ASIC1: variants seen among roughly 807,000 people sequenced by gnomAD.
The protein encoded by ASIC1 is acid sensing ion channel subunit 1.
A neutral mutation model predicts 63.4 loss-of-function variants in ASIC1; 21 were observed. That is an observed-to-expected ratio of 0.33 (90% CI 0.23 to 0.48). The LOEUF (loss-of-function observed/expected upper bound fraction) is 0.48. Ranked by LOEUF, ASIC1 falls within the 20% of genes least tolerant of loss-of-function variation. The pLI is 0.99. For synonymous variants in ASIC1, 258 were observed against 278.2 expected (o/e 0.93, Z 0.72); for missense variants, 478 against 695.5 (o/e 0.69, Z 3.52).
At chr12:50,058,696 C>T in intron 1 of ASIC1, 55 bp from the exon 2 acceptor site, 1 of 1,520,376 alleles carries the variant, frequency 6.6e-7, no homozygotes, top group Non-Finnish European at 8.8e-7. Flanking sequence ...TGGAGGGGCT[C>T]CATGTGTACT....
chr12:50,062,563 G>C (rs1950509937), intron 3 of ASIC1, among the ~76,000 whole-genome samples: 1 of 151,950 alleles, frequency 6.6e-6, no homozygotes, highest in Non-Finnish European at 1.5e-5. Flanking sequence ...CAGGATTGCT[G>C]TGGGATACCA....
rs1395726716 is a variant in ASIC1, at chr12:50,077,367, C to T, written c.709+4C>T. The T allele has an allele frequency of 8.1e-6, 13 of 1,613,998 alleles. No homozygotes were observed. The highest frequency in any genetic ancestry group is 4.5e-5 in the East Asian group (2 of 44,892). ...CTGCCTGTGTGGGGGGAGACTGGTA[C>T]GTCACCCACTTCAGGGGCCCCTCTG... is the stretch of plus-strand genomic sequence containing the variant. On this transcript the variant is annotated splice_donor_region_variant and intron_variant, in intron 4 of 11. Coordinates refer to ENST00000447966, the MANE Select transcript of ASIC1 (RefSeq NM_001095.4).
intron 3 of ASIC1, among the ~76,000 whole-genome samples, chr12:50,062,237 A>G (rs776230175): frequency 3.3e-5 from 5 of 151,980 alleles, no homozygotes; most frequent in African/African-American, 4.8e-5. Context: ...CCCCAGTCCT[A>G]AGGGCTCCCA....
In ASIC1 at chr12:50,058,770, G is replaced by A. The variant is rs748123096; in HGVS notation, c.4G>A (p.Glu2Lys). The change falls in exon 2 of 12, where the codon GAA becomes AAA. Residue 2 changes from glutamate to lysine, a missense_variant. Around this residue, in one of 3 missense-constraint regions of ASIC1, gnomAD observed 290 missense variants for 414.9 expected, o/e 0.70. Transcript: ENST00000447966. ...CCCCAGGATCCCCTCAACAAGGATG[G>A]AACTGAAGGCCGAGGAGGAGGAGGT... M[E>K]LKAEEEEVGG... The A allele has an allele frequency of 2.0e-5, 31 of 1,578,132 alleles. No homozygotes were observed. The highest frequency in any genetic ancestry group is 2.7e-5 in the Non-Finnish European group (31 of 1,159,092).
intron 3 of ASIC1, among the ~76,000 whole-genome samples, chr12:50,071,572 A>G (rs706791): frequency 0.36 from 54,525 of 151,790 alleles, 10,450 homozygotes; most frequent in Middle Eastern, 0.45. Flanking sequence ...GTGAGCCACC[A>G]CGCCTGGCTG....
chr12:50,066,376 G>A (rs1334200394), intron 3 of ASIC1, among the ~76,000 whole-genome samples: 1 of 152,110 alleles, frequency 6.6e-6, no homozygotes, highest in Admixed American at 6.6e-5. Flanking sequence ...GAGTGTGTAT[G>A]GAGGAGGGTG....
intron 8 of ASIC1, chr12:50,080,292 A>G (rs1950702070): frequency 1.1e-5 from 8 of 758,556 alleles, no homozygotes; most frequent in African/African-American, 1.8e-5. Context: ...GAGTCACTTT[A>G]TACTTGATGC....
At chr12:50,067,650 C>T (rs1234656193) in intron 3 of ASIC1, among the ~76,000 whole-genome samples, 1 of 152,154 alleles carries the variant, frequency 6.6e-6, no homozygotes, top group African/African-American at 2.4e-5. Context: ...AGCTCCCGAC[C>T]TCAGGTGATC....
At position 50,058,984 on chromosome 12, in the gene ASIC1, A is replaced by T; in HGVS notation, c.218A>T (p.His73Leu). 1 of 1,614,086 alleles carries T rather than the reference A, an allele frequency of 6.2e-7. No individual in the cohort carries two copies. Among genetic ancestry groups the T allele is most frequent in the Non-Finnish European group, 8.5e-7 (1 of 1,180,012 alleles). Residue 73 changes from histidine to leucine, a missense_variant, in exon 2 of 12, where the codon CAT becomes CTT. Around this residue, in one of 3 missense-constraint regions of ASIC1, gnomAD observed 290 missense variants for 414.9 expected, o/e 0.70. Transcript: ENST00000447966. ...GTGCAGTACTACTTCCACTACCACCATGTCACCAAGCTCGACGAGGTGGCT... is the reference window on the plus strand; with the variant it reads ...GTGCAGTACTACTTCCACTACCACCTTGTCACCAAGCTCGACGAGGTGGCT... ...ERVQYYFHYH[H>L]VTKLDEVAAS...
intron 3 of ASIC1, chr12:50,070,739 CAAGTCTGG>C (rs1565728444): frequency 6.6e-6 from 1 of 152,232 alleles, no homozygotes; most frequent in African/African-American, 2.4e-5. Context: ...CCACTCCACC[CAAGTCTGG>C]AAGTCCTCTC....
At chr12:50,070,548 C>T (rs1019775421) in intron 3 of ASIC1, among the ~76,000 whole-genome samples, 3 of 152,188 alleles carry the variant, frequency 2.0e-5, no homozygotes, top group Admixed American at 2.0e-4. Context: ...TCCTTTGGCA[C>T]TGTCTGTGCG....
chr12:50,080,460 G>T, intron 8 of ASIC1, 38 bp from the exon 9 acceptor site: 2 of 1,592,796 alleles, frequency 1.3e-6, no homozygotes, highest in South Asian at 2.2e-5. Context: ...ATAGAGATAT[G>T]ACTTGAACCT....
chr12:50,080,760 C>G, intron 9 of ASIC1, 171 bp downstream of exon 9: 1 of 1,571,854 alleles, frequency 6.4e-7, no homozygotes, highest in South Asian at 1.1e-5. Flanking sequence ...TGAGCCTTCT[C>G]TTAGGGCAAA....
In ASIC1 at chr12:50,059,776, C is replaced by A; in HGVS notation, c.380C>A (p.Thr127Lys). Residue 127 changes from threonine to lysine, a missense_variant, in exon 3 of 12, where the codon ACA (threonine) becomes AAA (lysine). This residue lies in a region of ASIC1 where 290 missense variants were observed against 414.9 expected (regional missense o/e 0.70). Coordinates refer to ENST00000447966, the MANE Select transcript of ASIC1 (RefSeq NM_001095.4). This position sits in a 1 kb window ranked among gnomAD's most constrained non-coding sequence, Gnocchi z 4.6. ...GACCCCAGGTATGAGATACCAGACA[C>A]ACAGATGGCAGATGAAAAGCAGCTG... ...LLNNRYEIPD[T>K]QMADEKQLEI... is the part of the protein sequence containing the mutation. The A allele has an allele frequency of 6.2e-7, 1 of 1,613,630 alleles. No homozygotes were observed. The highest frequency in any genetic ancestry group is 8.5e-7 in the Non-Finnish European group (1 of 1,179,776).
chr12:50,076,792 A>C (rs1257445281), intron 3 of ASIC1: 2 of 365,664 alleles, frequency 5.5e-6, no homozygotes, highest in Non-Finnish European at 1.1e-5. Context: ...TAGGCTGAAG[A>C]AGCACAAAAG....
intron 3 of ASIC1, chr12:50,073,834 G>A: frequency 5.2e-6 from 8 of 1,531,302 alleles, no homozygotes; most frequent in Non-Finnish European, 7.0e-6. Context: ...TGTGGAGGGG[G>A]GTCCAGGGCC....
At chr12:50,068,771 A>G (rs1950569938) in intron 3 of ASIC1, among the ~76,000 whole-genome samples, 1 of 151,528 alleles carries the variant, frequency 6.6e-6, no homozygotes, top group Non-Finnish European at 1.5e-5. Flanking sequence ...ATCATCCCTG[A>G]CACTCCATCT....
In ASIC1 at chr12:50,077,951, G is replaced by A. The variant is rs750564415; in HGVS notation, c.710-49G>A. The A allele has an allele frequency of 2.5e-6, 4 of 1,575,918 alleles. No homozygotes were observed. The South Asian group carries it at 4.8e-5, about 19-fold the overall frequency. On this transcript the variant is annotated intron_variant, in intron 4 of 11. Coordinates refer to ENST00000447966, the MANE Select transcript of ASIC1 (RefSeq NM_001095.4). Reference sequence around the variant, plus strand: ...TAGGATGCCCCCAGGTCTGAGGGGTGTTAGGGAGTCAGGAGCCCTCCCAAC... The same window carrying A: ...TAGGATGCCCCCAGGTCTGAGGGGTATTAGGGAGTCAGGAGCCCTCCCAAC...
At chr12:50,062,945 C>T (rs1350777034) in intron 3 of ASIC1, among the ~76,000 whole-genome samples, 1 of 152,142 alleles carries the variant, frequency 6.6e-6, no homozygotes, top group Non-Finnish European at 1.5e-5. Context: ...CTGGGAGAGA[C>T]TGGTTTGGAA....
Sources: allele counts gnomAD v4.1 joint callset (sites outside exome capture counted in the v4.1 genomes callset), GRCh38; gene constraint gnomAD v4.1.1; regional missense constraint gnomAD v4.1.1; non-coding constraint Gnocchi (gnomAD v3.1); transcripts MANE v1.5; gene names NCBI Gene and HGNC (gene_info 2026-07-23, HGNC 2026-07-21).